Variants in NOTCH1 observed in about 807,000 individuals in gnomAD.
NOTCH1 encodes notch receptor 1.
A neutral mutation model predicts 254.8 loss-of-function variants in NOTCH1; 37 were observed. That is an observed-to-expected ratio of 0.15 (90% CI 0.11 to 0.19). The LOEUF (loss-of-function observed/expected upper bound fraction) is 0.19, where lower values mean the gene tolerates loss of function less well. Ranked by LOEUF, NOTCH1 falls within the 10% of genes least tolerant of loss-of-function variation. The pLI is 1.00. For synonymous variants in NOTCH1, 1,731 were observed against 1,618.1 expected (o/e 1.07, Z -1.68); for missense variants, 2,972 against 3,708.6 (o/e 0.80, Z 5.16).
At chr9:136,510,544 C>T in intron 17 of NOTCH1, 109 bp downstream of exon 17, 2 of 1,435,544 alleles carry the variant, frequency 1.4e-6, no homozygotes, top group South Asian at 2.4e-5. Flanking sequence ...CCCGGCCACA[C>T]TCCGGCCTCC....
intron 33 of NOTCH1, among the ~76,000 whole-genome samples, chr9:136,497,777 G>C (rs1842941015): frequency 6.6e-6 from 1 of 152,158 alleles, no homozygotes; most frequent in Admixed American, 6.5e-5. Flanking sequence ...CACCCAGAGA[G>C]GGGATCTGTG....
In NOTCH1 at chr9:136,540,006, G is replaced by T. The variant is rs1451156008; in HGVS notation, c.140+4018C>A. Among the ~76,000 whole-genome samples the T allele has an allele frequency of 1.3e-5, 2 of 152,218 alleles. No homozygotes were observed. The highest frequency in any genetic ancestry group is 4.8e-5 in the African/African-American group (2 of 41,448). On this transcript the variant is annotated intron_variant, in intron 2 of 33. Transcript: ENST00000651671. This position sits in a 1 kb window ranked among gnomAD's most constrained non-coding sequence, Gnocchi z 4.4. ...GGCTGTGTTTAGGGACATTCGCTTG[G>T]GAGAAGGAGAGGGGCAGGGCTAGTA...
chr9:136,515,823 C>G, intron 10 of NOTCH1, 107 bp from the exon 11 acceptor site: 1 of 1,219,108 alleles, frequency 8.2e-7, no homozygotes, highest in Non-Finnish European at 1.2e-6. Context: ...GGGCTCCGAG[C>G]GTGGCATTCC....
intron 18 of NOTCH1, 115 bp downstream of exon 18, chr9:136,509,618 C>T (rs1200680283): frequency 3.5e-5 from 31 of 889,186 alleles, no homozygotes; most frequent in Middle Eastern, 2.6e-4. Flanking sequence ...ATGCAGCCAG[C>T]GCTAAGTGCC....
chr9:136,521,891 C>T (rs1843371560), intron 4 of NOTCH1, among the ~76,000 whole-genome samples: 1 of 152,250 alleles, frequency 6.6e-6, no homozygotes, highest in Non-Finnish European at 1.5e-5. Flanking sequence ...CCCTCCAGCC[C>T]CACCCCTGCC....
rs988164569 is a variant in NOTCH1 at position 136,497,144 on chromosome 9, G to A, written c.6595C>T (p.Pro2199Ser). Residue 2199 changes from proline (P) to serine (S), a missense_variant, in exon 34 of 34, where the codon CCC becomes TCC. Transcript: ENST00000651671. The stretch of plus-strand genomic sequence containing the variant: ...TGGGGTGACTCCAGGGAGTCCACGG[G>A]CGAGAGCATGCCGGAGCTGTCCAGC... The part of the protein sequence containing the change: ...CLLDSSGMLS[P>S]VDSLESPHGY... 6.2e-7 allele frequency: 1 copy of A among 1,612,582 alleles called. No homozygotes were observed. Among genetic ancestry groups the A allele is most frequent in the African/African-American group, 1.3e-5 (1 of 74,928 alleles).
rs778356792 is a variant in NOTCH1 at position 136,505,115 on chromosome 9, C to A, written c.4587-11G>T. On this transcript the variant is annotated splice_polypyrimidine_tract_variant and intron_variant, in intron 25 of 33. Transcript: ENST00000651671. ...TGGTCGTACAGGGGGCTGTGGGGGG[C>A]GGGACACGCTCAGGCCGCCTTCCTC... is the stretch of plus-strand genomic sequence containing the variant. The A allele has an allele frequency of 6.2e-7, 1 of 1,605,768 alleles. No homozygotes were observed. Among genetic ancestry groups the A allele is most frequent in the Non-Finnish European group, 8.5e-7 (1 of 1,179,138 alleles).
intron 3 of NOTCH1, 45 bp downstream of exon 3, chr9:136,523,672 C>T (rs1425948565): frequency 1.3e-5 from 21 of 1,563,886 alleles, no homozygotes; most frequent in Middle Eastern, 2.3e-4. Flanking sequence ...CAGCTGGCGG[C>T]GGGCCTGGGT....
chr9:136,517,701 A>G (rs2133368019), intron 8 of NOTCH1, 51 bp downstream of exon 8: 1 of 1,603,668 alleles, frequency 6.2e-7, no homozygotes, highest in Non-Finnish European at 8.5e-7. Context: ...CTGCCCCTCC[A>G]AGGCTGCCCA....
At chr9:136,497,666 G>A (rs777550330) in intron 33 of NOTCH1, 108 bp from the exon 34 acceptor site, 3 of 926,798 alleles carry the variant, frequency 3.2e-6, no homozygotes, top group African/African-American at 3.3e-5. Context: ...TCCGCGGGGT[G>A]GGGGCAGGCA....
rs577190264 is a variant in NOTCH1 at position 136,511,133 on chromosome 9, G to A, written c.2587+19C>T. ...CTGACCTCCCATCCCAGCCCTCACC[G>A]GGCCCTGGCCAGCCTCACCTTGCCA... On this transcript the variant is annotated intron_variant, in intron 16 of 33. Transcript: ENST00000651671. 1.3e-5 allele frequency: 21 copies of A among 1,612,700 alleles called. No individual in the cohort carries two copies. Among genetic ancestry groups the A allele is most frequent in the Middle Eastern group, 1.6e-4 (1 of 6,068 alleles).
intron 2 of NOTCH1, among the ~76,000 whole-genome samples, chr9:136,527,504 A>C (rs1174540735): frequency 6.6e-6 from 1 of 152,008 alleles, no homozygotes; most frequent in Non-Finnish European, 1.5e-5. Context: ...CCCGCACCCC[A>C]CCTTCCACCG....
intron 4 of NOTCH1, among the ~76,000 whole-genome samples, chr9:136,520,555 G>A (rs909722475): frequency 3.3e-5 from 5 of 152,040 alleles, no homozygotes; most frequent in Admixed American, 2.0e-4. Flanking sequence ...ACAACATGGC[G>A]AAACCCCGTC....
At chr9:136,508,417 G>A (rs565689538) in intron 19 of NOTCH1, 32 bp from the exon 20 acceptor site, 12 of 1,612,604 alleles carry the variant, frequency 7.4e-6, no homozygotes, top group Admixed American at 1.7e-5. Context: ...CTGGGTGCCC[G>A]CGCCCCGGCC....
At chr9:136,534,457 C>T (rs60544817) in intron 2 of NOTCH1, among the ~76,000 whole-genome samples, 16,251 of 152,146 alleles carry the variant, frequency 0.11, 1,507 homozygotes, top group African/African-American at 0.26. Flanking sequence ...CAGTGCCAGG[C>T]GGAGCAGAAG....
intron 9 of NOTCH1, 132 bp from the exon 10 acceptor site, chr9:136,516,226 C>T: frequency 1.5e-6 from 1 of 687,796 alleles, no homozygotes; most frequent in East Asian, 2.7e-5. Flanking sequence ...GCTCAGCCAG[C>T]TCCAGCTCTC....
rs370546002 is a variant in NOTCH1 at position 136,523,905 on chromosome 9, C to G, written c.215G>C (p.Gly72Ala). ...TCTGCGGTCCACCACGTGGCATGTC[C>G]CGGCGTTCTTGCAGGGGGTGCTGAG... ...PCLSTPCKNA[G>A]TCHVVDRRGV... The change falls in exon 3 of 34, where the codon GGG becomes GCG. Residue 72 changes from glycine to alanine, a missense_variant. Gly to Ala is a moderately conservative substitution (Grantham distance 60). This residue lies in a region of NOTCH1 where 374 missense variants were observed against 496.3 expected (regional missense o/e 0.75). Coordinates refer to ENST00000651671, the MANE Select transcript of NOTCH1 (RefSeq NM_017617.5). 2 of 1,605,312 alleles carry G rather than the reference C, an allele frequency of 1.2e-6. No homozygotes were observed. The highest frequency in any genetic ancestry group is 1.7e-6 in the Non-Finnish European group (2 of 1,176,680).
In NOTCH1 at chr9:136,508,347, G is replaced by A. The variant is rs768144709; in HGVS notation, c.3210C>T (p.Asn1070=). 5.8e-5 allele frequency: 93 copies of A among 1,613,138 alleles called. No individual in the cohort carries two copies. The East Asian group carries it at 1.4e-3, about 25-fold the overall frequency. Residue 1070 remains asparagine (N), a synonymous_variant, in exon 20 of 34, where the codon AAC becomes AAT. Coordinates refer to ENST00000651671, the MANE Select transcript of NOTCH1 (RefSeq NM_017617.5). ...TGTGGGTCTGCCAGCATTTGCCGCC[G>A]TTCTTGCAGGGCGAGGAGTCACACC... ...VHWCDSSPCK[N]GGKCWQTHTQ...
chr9:136,520,279 C>T (rs780586710), intron 4 of NOTCH1, among the ~76,000 whole-genome samples: 8 of 152,314 alleles, frequency 5.3e-5, no homozygotes, highest in Non-Finnish European at 1.0e-4. Context: ...GCCTTTGAAC[C>T]CCCGTTGCCC....
Sources: allele counts gnomAD v4.1 joint callset (sites outside exome capture counted in the v4.1 genomes callset), GRCh38; gene constraint gnomAD v4.1.1; regional missense constraint gnomAD v4.1.1; non-coding constraint Gnocchi (gnomAD v3.1); transcripts MANE v1.5; gene names NCBI Gene and HGNC (gene_info 2026-07-23, HGNC 2026-07-21).